The following PCDHB9 variants were observed in gnomAD, a reference collection of about 807,000 sequenced individuals.
PCDHB9 encodes protocadherin beta-9.
For missense variants in PCDHB9, 1,072 were observed against 995.1 expected, an observed-to-expected ratio of 1.08 and a Z score of -1.04; for synonymous variants, 501 against 439.7, an observed-to-expected ratio of 1.14 and a Z score of -1.75.
At position 141,187,525 on chromosome 5, in the gene PCDHB9, T is replaced by G. The variant is rs1362376440; in HGVS notation, c.207T>G (p.Asp69Glu). 3 of 1,609,218 alleles carry G rather than the reference T, an allele frequency of 1.9e-6. No homozygotes were observed. The highest frequency in any genetic ancestry group is 1.7e-5 in the Admixed American group (1 of 59,564). ...LAARGTRVVS[D>E]DNKQYLLLDS... ...CAAGGGGAACCAGGGTGGTTTCCGA[T>G]GATAACAAACAATACCTGCTCCTGG... is the stretch of plus-strand genomic sequence containing the variant. The change falls in exon 1 of 1, where the codon GAT becomes GAG. Residue 69 changes from aspartate (D) to glutamate (E), a missense_variant. Asp to Glu is a conservative substitution (Grantham distance 45). Coordinates refer to ENST00000316105, the MANE Select transcript of PCDHB9 (RefSeq NM_019119.5).
rs1554283169 is a variant in PCDHB9, at chr5:141,188,923, C to A, written c.1605C>A (p.Asp535Glu). The A allele has an allele frequency of 1.9e-6, 3 of 1,612,126 alleles. No homozygotes were observed. The highest frequency in any genetic ancestry group is 2.2e-5 in the South Asian group (2 of 90,992). Residue 535 changes from aspartate (D) to glutamate (E), a missense_variant, in exon 1 of 1, where the codon GAC becomes GAA. Transcript: ENST00000316105. ...QAFDFRVGAS[D>E]RGSPALSSEA... The stretch of plus-strand genomic sequence containing the variant: ...TCGACTTCCGCGTGGGCGCCTCAGA[C>A]CGCGGCTCCCCGGCTTTGAGCAGCG...
At position 141,188,860 on chromosome 5, in the gene PCDHB9, T is replaced by G; in HGVS notation, c.1542T>G (p.Phe514Leu). ...VSINADNGHLFALRSLDYEAL... is the reference protein window; with the variant it reads ...VSINADNGHLLALRSLDYEAL... ...TCAACGCGGACAATGGCCACCTGTTTGCCCTCAGGTCGCTGGACTACGAGG... is the reference window on the plus strand; with the variant it reads ...TCAACGCGGACAATGGCCACCTGTTGGCCCTCAGGTCGCTGGACTACGAGG... The change falls in exon 1 of 1, where the codon TTT becomes TTG. Residue 514 changes from phenylalanine (F) to leucine (L), a missense_variant. Physicochemically the swap from Phe to Leu is conservative, Grantham distance 22 (BLOSUM62 0). Coordinates refer to ENST00000316105, the MANE Select transcript of PCDHB9 (RefSeq NM_019119.5). The G allele has an allele frequency of 6.2e-7, 1 of 1,612,814 alleles. No homozygotes were observed. The highest frequency in any genetic ancestry group is 8.5e-7 in the Non-Finnish European group (1 of 1,179,936).
rs782179265 is a variant in PCDHB9, at chr5:141,189,367, C to A, written c.2049C>A (p.Ala683=). 1.2e-6 allele frequency: 2 copies of A among 1,611,666 alleles called. No homozygotes were observed. The highest frequency in any genetic ancestry group is 1.9e-4 in the Middle Eastern group (1 of 5,284). ...LPEAAPAQAQ[A]DLLTVYLVVA... ...AGGCGGCCCCGGCCCAGGCCCAGGC[C>A]GACTTGCTCACCGTCTACCTGGTGG... The change falls in exon 1 of 1, where the codon GCC becomes GCA. Residue 683 remains alanine, a synonymous_variant. Transcript: ENST00000316105.
At position 141,187,870 on chromosome 5, in the gene PCDHB9, C is replaced by A. The variant is rs567791792; in HGVS notation, c.552C>A (p.Gly184=). The A allele has an allele frequency of 1.9e-6, 3 of 1,614,156 alleles. No homozygotes were observed. The Admixed American group carries it at 5.0e-5, about 27-fold the overall frequency. Residue 184 remains glycine, a synonymous_variant, in exon 1 of 1, where the codon GGC becomes GGA. Coordinates refer to ENST00000316105, the MANE Select transcript of PCDHB9 (RefSeq NM_019119.5). ...CTTTTTTCCATATTAAAATTAGTGG[C>A]AGTGATGAAGGCATGATATATCCAG... is the stretch of plus-strand genomic sequence containing the variant. The part of the protein sequence containing the change: ...SNSFFHIKIS[G]SDEGMIYPEL...
At position 141,189,019 on chromosome 5, in the gene PCDHB9, C is replaced by T. The variant is rs538407584; in HGVS notation, c.1701C>T (p.Asn567=). 537 of 1,610,184 alleles carry T rather than the reference C, an allele frequency of 3.3e-4. 4 individuals carry two copies. The South Asian group carries it at 4.6e-3, about 14-fold the overall frequency. Residue 567 remains asparagine, a synonymous_variant, in exon 1 of 1, where the codon AAC becomes AAT. Coordinates refer to ENST00000316105, the MANE Select transcript of PCDHB9 (RefSeq NM_019119.5). ...CCTTCGTGCTGTACCCGCTGCAGAA[C>T]GGCTCCGCGCCCTGCACCGAGCTGG... is the stretch of plus-strand genomic sequence containing the variant. The part of the protein sequence containing the change: ...NSPFVLYPLQ[N]GSAPCTELVP...
rs1554283338 is a variant in PCDHB9, at chr5:141,189,387, T to C, written c.2069T>C (p.Leu690Pro). 3 of 1,611,816 alleles carry C rather than the reference T, an allele frequency of 1.9e-6. No individual in the cohort carries two copies. In the Admixed American group the frequency reaches 5.0e-5, roughly 27 times the overall value. The change falls in exon 1 of 1, where the codon CTG becomes CCG. Residue 690 changes from leucine to proline, a missense_variant. Physicochemically the swap from Leu to Pro is moderately conservative, Grantham distance 98. Coordinates refer to ENST00000316105, the MANE Select transcript of PCDHB9 (RefSeq NM_019119.5). Reference protein sequence around the residue: ...QAQADLLTVYLVVALASVSSL... With the variant: ...QAQADLLTVYPVVALASVSSL... The stretch of plus-strand genomic sequence containing the variant: ...CAGGCCGACTTGCTCACCGTCTACC[T>C]GGTGGTGGCGTTGGCCTCGGTGTCT...
rs1588368239 is a variant in PCDHB9, at chr5:141,189,748, A to G, written c.*36A>G. On this transcript the variant is annotated 3_prime_UTR_variant, in exon 1 of 1. Coordinates refer to ENST00000316105, the MANE Select transcript of PCDHB9 (RefSeq NM_019119.5). Reference sequence around the variant, plus strand: ...CTTAATAAAGACATTTACTTCTTTAATATATTCTTGTTGGCTAACTAAATT... The same window carrying G: ...CTTAATAAAGACATTTACTTCTTTAGTATATTCTTGTTGGCTAACTAAATT... 2.7e-6 allele frequency: 4 copies of G among 1,505,244 alleles called. No homozygotes were observed. Among genetic ancestry groups the G allele is most frequent in the Non-Finnish European group, 3.6e-6 (4 of 1,118,250 alleles). The allele number at this position is 1,505,244 out of a possible 1,614,324, so 93.2% of individuals were successfully genotyped here. A position where few individuals can be genotyped will look rare whatever the true frequency, so the allele number is the denominator to read the frequency against.
At position 141,188,982 on chromosome 5, in the gene PCDHB9, A is replaced by G. The variant is rs782389517; in HGVS notation, c.1664A>G (p.Asn555Ser). Residue 555 changes from asparagine (N) to serine (S), a missense_variant, in exon 1 of 1, where the codon AAC becomes AGC. Asn to Ser is a conservative substitution (Grantham distance 46). Transcript: ENST00000316105. The stretch of plus-strand genomic sequence containing the variant: ...GTGCGCGTACTGGTGCTGGACGCCA[A>G]CGACAACTCGCCCTTCGTGCTGTAC... The part of the protein sequence containing the change: ...ALVRVLVLDA[N>S]DNSPFVLYPL... 5.0e-6 allele frequency: 8 copies of G among 1,611,450 alleles called. No homozygotes were observed. Among genetic ancestry groups the G allele is most frequent in the African/African-American group, 1.3e-5 (1 of 74,832 alleles).
Position 141,187,611 on chromosome 5 carries a change from C to T in PCDHB9, c.293C>T (p.Pro98Leu). 5 of 1,613,188 alleles carry T rather than the reference C, an allele frequency of 3.1e-6. No homozygotes were observed. Among genetic ancestry groups the T allele is most frequent in the Non-Finnish European group, 1.7e-6 (2 of 1,179,512 alleles). ...EKLDREKLCG[P>L]KEPCMLYFQI... ...CTGGACCGAGAGAAGCTGTGTGGCC[C>T]TAAAGAGCCCTGTATGCTGTATTTC... Residue 98 changes from proline to leucine, a missense_variant, in exon 1 of 1, where the codon CCT becomes CTT. By Grantham distance (98) the Pro-to-Leu change is moderately conservative (BLOSUM62 -3). Coordinates refer to ENST00000316105, the MANE Select transcript of PCDHB9 (RefSeq NM_019119.5).
In PCDHB9 at chr5:141,189,272, C is replaced by T. The variant is rs534535624; in HGVS notation, c.1954C>T (p.Arg652Cys). 3.7e-3 allele frequency: 5,981 copies of T among 1,602,426 alleles called. 16 individuals are homozygous for T. Among genetic ancestry groups the T allele is most frequent in the Middle Eastern group, 7.8e-3 (35 of 4,512 alleles). ...VLVKDNGEPP[R>C]SATATLHVLL... ...TGTCAAGGACAATGGCGAGCCTCCT[C>T]GCTCGGCCACCGCCACGCTGCACGT... is the stretch of plus-strand genomic sequence containing the variant. Residue 652 changes from arginine (R) to cysteine (C), a missense_variant, in exon 1 of 1, where the codon CGC (arginine) becomes TGC (cysteine). Coordinates refer to ENST00000316105, the MANE Select transcript of PCDHB9 (RefSeq NM_019119.5).
Position 141,188,046 on chromosome 5 carries a change from C to A in PCDHB9, c.728C>A (p.Ala243Asp), listed in dbSNP as rs782004767. The change falls in exon 1 of 1, where the codon GCC becomes GAC. Residue 243 changes from alanine to aspartate, a missense_variant. Ala to Asp is a moderately radical substitution (Grantham distance 126). Coordinates refer to ENST00000316105, the MANE Select transcript of PCDHB9 (RefSeq NM_019119.5). Reference protein sequence around the residue: ...LDVNDNVPQFAQALYETQAPE... With the variant: ...LDVNDNVPQFDQALYETQAPE... Reference sequence around the variant, plus strand: ...GTCAATGACAATGTCCCACAGTTTGCCCAGGCTCTGTATGAGACCCAGGCT... The same window carrying A: ...GTCAATGACAATGTCCCACAGTTTGACCAGGCTCTGTATGAGACCCAGGCT... 1.2e-6 allele frequency: 2 copies of A among 1,613,888 alleles called. No homozygotes were observed. The highest frequency in any genetic ancestry group is 4.5e-5 in the East Asian group (2 of 44,878).
rs782454715 is a variant in PCDHB9 at position 141,188,846 on chromosome 5, A to G, written c.1528A>G (p.Asn510Asp). 2 of 1,612,870 alleles carry G rather than the reference A, an allele frequency of 1.2e-6. No individual in the cohort carries two copies. The highest frequency in any genetic ancestry group is 8.5e-7 in the Non-Finnish European group (1 of 1,179,968). Residue 510 changes from asparagine to aspartate, a missense_variant, in exon 1 of 1, where the codon AAT becomes GAT. Transcript: ENST00000316105. ...LASLVSINADNGHLFALRSLD... is the reference protein window; with the variant it reads ...LASLVSINADDGHLFALRSLD... ...CTCCCTGGTCTCCATCAACGCGGAC[A>G]ATGGCCACCTGTTTGCCCTCAGGTC...
Position 141,190,738 on chromosome 5 carries a change from A to G in PCDHB9, c.*1026A>G, listed in dbSNP as rs911731635. On this transcript the variant is annotated 3_prime_UTR_variant, in exon 1 of 1. Coordinates refer to ENST00000316105, the MANE Select transcript of PCDHB9 (RefSeq NM_019119.5). The stretch of plus-strand genomic sequence containing the variant: ...TGCTCCTTTTAATTCTGTATAAACA[A>G]ATCAGAGGTTCCTGAGGTTCCTGTT... 113 of 151,760 alleles carry G rather than the reference A, an allele frequency of 7.4e-4. No individual in the cohort carries two copies. Among genetic ancestry groups the G allele is most frequent in the African/African-American group, 2.6e-3 (108 of 41,288 alleles). The allele number at this position is 151,760 out of a possible 1,614,324, so 9.4% of individuals were successfully genotyped here.
Position 141,188,226 on chromosome 5 carries a change from T to C in PCDHB9, c.908T>C (p.Leu303Pro), listed in dbSNP as rs1554282958. Residue 303 changes from leucine (L) to proline (P), a missense_variant, in exon 1 of 1, where the codon CTC becomes CCC. Transcript: ENST00000316105. ...QINPFSGEIF[L>P]RELLDYELVN... ...AATCCTTTTTCTGGGGAAATCTTTC[T>C]CAGAGAATTGCTTGATTATGAGTTA... The C allele has an allele frequency of 6.2e-7, 1 of 1,613,152 alleles. No individual in the cohort carries two copies. The highest frequency in any genetic ancestry group is 1.3e-5 in the African/African-American group (1 of 74,888).
Position 141,187,672 on chromosome 5 carries a change from G to A in PCDHB9, c.354G>A (p.Arg118=), listed in dbSNP as rs782003484. ...TGGATGATCCCTTTCAGATTTACCG[G>A]GCTGAGCTGAGAGTCAGGGATATAA... is the stretch of plus-strand genomic sequence containing the variant. ...ILMDDPFQIY[R]AELRVRDIND... Residue 118 remains arginine, a synonymous_variant, in exon 1 of 1, where the codon CGG becomes CGA. Transcript: ENST00000316105. The A allele has an allele frequency of 5.6e-6, 9 of 1,614,020 alleles. No individual in the cohort carries two copies. Among genetic ancestry groups the A allele is most frequent in the Non-Finnish European group, 7.6e-6 (9 of 1,180,028 alleles).
At position 141,187,306 on chromosome 5, in the gene PCDHB9, G is replaced by C; in HGVS notation, c.-13G>C. 1.2e-6 allele frequency: 2 copies of C among 1,609,416 alleles called. No homozygotes were observed. Among genetic ancestry groups the C allele is most frequent in the South Asian group, 1.1e-5 (1 of 90,474 alleles). On this transcript the variant is annotated 5_prime_UTR_variant, in exon 1 of 1. Coordinates refer to ENST00000316105, the MANE Select transcript of PCDHB9 (RefSeq NM_019119.5). ...CAGTGTGATTGAGACTGACATTGAG[G>C]AAAGAAGCAGCTATGAAGACCAGGG...
rs782556489 is a variant in PCDHB9 at position 141,188,801 on chromosome 5, G to C, written c.1483G>C (p.Asp495His). 3.7e-6 allele frequency: 6 copies of C among 1,612,822 alleles called. No individual in the cohort carries two copies. In the Admixed American group the frequency reaches 6.7e-5, roughly 18 times the overall value. Reference protein sequence around the residue: ...QVTYSLLPPQDPHLPLASLVS... With the variant: ...QVTYSLLPPQHPHLPLASLVS... ...CACCTACTCGCTGCTGCCGCCCCAG[G>C]ACCCACACCTGCCCCTCGCCTCCCT... The change falls in exon 1 of 1, where the codon GAC becomes CAC. Residue 495 changes from aspartate to histidine, a missense_variant. Physicochemically the swap from Asp to His is moderately conservative, Grantham distance 81. Transcript: ENST00000316105.
Position 141,188,175 on chromosome 5 carries a change from A to T in PCDHB9, c.857A>T (p.Glu286Val). The part of the protein sequence containing the change: ...EVSYSFFDAS[E>V]DILTTFQINP... ...TCCTATTCATTTTTTGATGCTTCTG[A>T]AGATATTTTAACAACGTTTCAAATC... Residue 286 changes from glutamate to valine, a missense_variant, in exon 1 of 1, where the codon GAA becomes GTA. By Grantham distance (121) the Glu-to-Val change is moderately radical. Coordinates refer to ENST00000316105, the MANE Select transcript of PCDHB9 (RefSeq NM_019119.5). 1 of 1,610,614 alleles carries T rather than the reference A, an allele frequency of 6.2e-7. No homozygotes were observed. Among genetic ancestry groups the T allele is most frequent in the Non-Finnish European group, 8.5e-7 (1 of 1,177,868 alleles).
chr5:141,188,744 A>G lies in PCDHB9; in HGVS notation c.1426A>G (p.Thr476Ala). Residue 476 changes from threonine to alanine, a missense_variant, in exon 1 of 1, where the codon ACA becomes GCA. By Grantham distance (58) the Thr-to-Ala change is moderately conservative. Coordinates refer to ENST00000316105, the MANE Select transcript of PCDHB9 (RefSeq NM_019119.5). ...CCTGCACATCGGCAGTGTCAGCGCCACAGACAGAGACTCAGGCACCAACGC... is the reference window on the plus strand; with the variant it reads ...CCTGCACATCGGCAGTGTCAGCGCCGCAGACAGAGACTCAGGCACCAACGC... ...PALHIGSVSA[T>A]DRDSGTNAQV... is the part of the protein sequence containing the mutation. 1 of 1,613,218 alleles carries G rather than the reference A, an allele frequency of 6.2e-7. No homozygotes were observed. The highest frequency in any genetic ancestry group is 8.5e-7 in the Non-Finnish European group (1 of 1,179,994).
Sources: allele counts gnomAD v4.1 joint callset, GRCh38; gene constraint gnomAD v4.1.1; transcripts MANE v1.5; gene names NCBI Gene and HGNC (gene_info 2026-07-23, HGNC 2026-07-21).